KCNH7: variants seen among roughly 807,000 people sequenced by gnomAD.
KCNH7 encodes voltage-gated inwardly rectifying potassium channel KCNH7.
A neutral mutation model predicts 120.8 loss-of-function variants in KCNH7; 49 were observed. The ratio of observed to expected loss-of-function variants is 0.41; its 90% CI spans 0.32 to 0.51. The LOEUF (loss-of-function observed/expected upper bound fraction) is 0.51, where lower values mean the gene tolerates loss of function less well. Among genes scored for constraint, KCNH7 ranks in the 20% least tolerant of loss-of-function variants. KCNH7 has a pLI of 0.38. For missense variants in KCNH7, 1,097 were observed against 1,446.6 expected (o/e 0.76, Z 3.92); for synonymous variants, 547 against 516.1 (o/e 1.06, Z -0.81).
intron 2 of KCNH7, among the ~76,000 whole-genome samples, chr2:162,709,399 A>T (rs936718302): frequency 6.6e-6 from 1 of 152,056 alleles, no homozygotes; most frequent in Admixed American, 6.6e-5. Context: ...TGGAAACCAA[A>T]CTTCTCAATC....
In KCNH7 at chr2:162,701,063, T is replaced by C. The variant is rs532786700; in HGVS notation, c.307+135474A>G. Among the ~76,000 whole-genome samples, 230 of 152,284 alleles carry C rather than the reference T, an allele frequency of 1.5e-3. 1 individual carries two copies. Among genetic ancestry groups the C allele is most frequent in the South Asian group, 2.5e-3 (12 of 4,826 alleles). On this transcript the variant is annotated intron_variant, in intron 2 of 15. Coordinates refer to ENST00000332142, the MANE Select transcript of KCNH7 (RefSeq NM_033272.4). Reference sequence around the variant, plus strand: ...TGTTTATAAGGAAGGACAATCACATTGCATCCCTGGCCCCTTCAGAACTAT... The same window carrying C: ...TGTTTATAAGGAAGGACAATCACATCGCATCCCTGGCCCCTTCAGAACTAT...
intron 2 of KCNH7, among the ~76,000 whole-genome samples, chr2:162,663,716 G>A (rs1685045544): frequency 6.6e-6 from 1 of 152,094 alleles, no homozygotes; most frequent in Non-Finnish European, 1.5e-5. Context: ...AAAATAAGTA[G>A]CATCAGACAA....
At chr2:162,407,718 AG>A (rs1464553352) in intron 9 of KCNH7, among the ~76,000 whole-genome samples, 1 of 151,856 alleles carries the variant, frequency 6.6e-6, no homozygotes, top group Non-Finnish European at 1.5e-5. Context: ...TATTTGAGAG[AG>A]GTAGTGGGGG....
chr2:162,514,462 C>T (rs181918039), intron 4 of KCNH7, among the ~76,000 whole-genome samples: 36 of 151,810 alleles, frequency 2.4e-4, no homozygotes, highest in Middle Eastern at 6.8e-3. Flanking sequence ...CAAAACATTA[C>T]ATTATATAGT....
chr2:162,539,679 T>C (rs900249386), intron 2 of KCNH7, among the ~76,000 whole-genome samples: 1 of 152,096 alleles, frequency 6.6e-6, no homozygotes, highest in Non-Finnish European at 1.5e-5. Flanking sequence ...GCATATTAAA[T>C]AAATGTAATT....
At chr2:162,427,140 C>T (rs1687890682) in intron 8 of KCNH7, among the ~76,000 whole-genome samples, 1 of 151,692 alleles carries the variant, frequency 6.6e-6, no homozygotes, top group African/African-American at 2.4e-5. Flanking sequence ...GGAAACCTTG[C>T]TGTTTCTAGT....
At chr2:162,727,519 T>A (rs936455053) in intron 2 of KCNH7, among the ~76,000 whole-genome samples, 1 of 152,166 alleles carries the variant, frequency 6.6e-6, no homozygotes. Flanking sequence ...CAGACGTTCA[T>A]TGATGTACTT....
rs1684894977 is a variant in KCNH7, at chr2:162,815,728, C to T, written c.307+20809G>A. 2.6e-5 allele frequency among the ~76,000 whole-genome samples: 4 copies of T among 152,234 alleles called. No individual in the cohort carries two copies. The South Asian group carries it at 8.3e-4, about 32-fold the overall frequency. ...CCACAAATCAACTTTTCTTTTAAAA[C>T]GTATTTATAAATACAACCAGTACCA... On this transcript the variant is annotated intron_variant, in intron 2 of 15. Coordinates refer to ENST00000332142, the MANE Select transcript of KCNH7 (RefSeq NM_033272.4).
chr2:162,698,479 T>C lies in KCNH7; in HGVS notation c.307+138058A>G, dbSNP rs189941718. Among the ~76,000 whole-genome samples the C allele has an allele frequency of 2.3e-3, 345 of 152,112 alleles. 1 individual carries two copies. The highest frequency in any genetic ancestry group is 7.8e-3 in the African/African-American group (323 of 41,526). ...ATTGCATGAGTTTTTTTCAGGCTTA[T>C]TAATATGCCATTTAAAAAAAAGGTT... On this transcript the variant is annotated intron_variant, in intron 2 of 15. Coordinates refer to ENST00000332142, the MANE Select transcript of KCNH7 (RefSeq NM_033272.4).
chr2:162,397,020 G>A (rs980126536), intron 10 of KCNH7, 75 bp from the exon 11 acceptor site: 21 of 989,628 alleles, frequency 2.1e-5, no homozygotes, highest in Non-Finnish European at 2.9e-5. Context: ...AGTAGAAGGG[G>A]GTCATTAAAC....
intron 2 of KCNH7, among the ~76,000 whole-genome samples, chr2:162,786,454 G>A (rs1431796757): frequency 1.3e-5 from 2 of 152,230 alleles, no homozygotes; most frequent in Non-Finnish European, 1.5e-5. Context: ...AAGTCACCAA[G>A]CCAGATATTG....
intron 2 of KCNH7, among the ~76,000 whole-genome samples, chr2:162,734,646 T>C (rs1162446038): frequency 6.6e-6 from 1 of 152,154 alleles, no homozygotes; most frequent in Non-Finnish European, 1.5e-5. Flanking sequence ...TTGAGTGTTT[T>C]GTGTTTCAAA....
At chr2:162,554,664 C>T (rs1692797152) in intron 2 of KCNH7, among the ~76,000 whole-genome samples, 1 of 152,128 alleles carries the variant, frequency 6.6e-6, no homozygotes, top group Admixed American at 6.5e-5. Context: ...TCTGTCATCA[C>T]ATCTCCTTCC....
intron 6 of KCNH7, among the ~76,000 whole-genome samples, chr2:162,498,935 T>C (rs2105739013): frequency 6.6e-6 from 1 of 152,156 alleles, no homozygotes; most frequent in African/African-American, 2.4e-5. Context: ...CCCAATAAAC[T>C]TCCCCTCTTC....
chr2:162,836,187 G>C (rs1685658325), intron 2 of KCNH7, among the ~76,000 whole-genome samples: 1 of 152,112 alleles, frequency 6.6e-6, no homozygotes, highest in Admixed American at 6.6e-5. Flanking sequence ...AAGTAACACT[G>C]TATCTGTATT....
At chr2:162,835,294 T>G (rs1685620100) in intron 2 of KCNH7, among the ~76,000 whole-genome samples, 1 of 152,124 alleles carries the variant, frequency 6.6e-6, no homozygotes, top group Non-Finnish European at 1.5e-5. Context: ...AAGGAAAATG[T>G]AGTAATTAAG....
intron 2 of KCNH7, among the ~76,000 whole-genome samples, chr2:162,595,699 G>T (rs1694354878): frequency 6.6e-6 from 1 of 151,846 alleles, no homozygotes; most frequent in Admixed American, 6.6e-5. Context: ...TTCACATTGT[G>T]CTGGAAGTCC....
chr2:162,560,499 G>A (rs1948056), intron 2 of KCNH7, among the ~76,000 whole-genome samples: 85,511 of 151,918 alleles, frequency 0.56, 24,663 homozygotes, highest in Admixed American at 0.67. Flanking sequence ...GTGGGTGGCT[G>A]GCATCCAGGG....
intron 2 of KCNH7, among the ~76,000 whole-genome samples, chr2:162,573,837 A>C (rs912905446): frequency 6.6e-6 from 1 of 152,040 alleles, no homozygotes; most frequent in Non-Finnish European, 1.5e-5. Flanking sequence ...TCAACTTTTT[A>C]AGGAAAATGC....
Sources: allele counts gnomAD v4.1 joint callset (sites outside exome capture counted in the v4.1 genomes callset), GRCh38; gene constraint gnomAD v4.1.1; transcripts MANE v1.5; gene names NCBI Gene and HGNC (gene_info 2026-07-23, HGNC 2026-07-21).